The following UPRT variants were observed in gnomAD, a reference collection of about 807,000 sequenced individuals.
UPRT encodes RP11-311P8.3.
Under a neutral mutation model 22.6 loss-of-function variants are expected in UPRT, and 5 were observed. That is an observed-to-expected ratio of 0.22 (90% CI 0.12 to 0.47). The LOEUF (loss-of-function observed/expected upper bound fraction) is 0.47. UPRT is among the 20% of genes least tolerant of loss of function. The pLI, the probability that UPRT is intolerant of heterozygous loss-of-function variation, is 0.99. For synonymous variants in UPRT, 77 were observed against 87.7 expected (o/e 0.88, Z 0.68); for missense variants, 181 against 239.9 (o/e 0.75, Z 1.62).
chrX:75,160,141 C>A (rs1188883838), intron 1 of UPRT, among the ~76,000 whole-genome samples: 1 of 111,431 alleles, frequency 9.0e-6, no homozygotes, highest in Non-Finnish European at 1.9e-5. Flanking sequence ...GTCTCTTTAT[C>A]CTTGTGGATT....
intron 4 of UPRT, among the ~76,000 whole-genome samples, chrX:75,253,028 T>A (rs2082536939): frequency 9.1e-6 from 1 of 109,952 alleles, no homozygotes; most frequent in Non-Finnish European, 1.9e-5. Context: ...AACATTACAC[T>A]GTGGGGACTG....
intron 4 of UPRT, among the ~76,000 whole-genome samples, chrX:75,179,985 A>T (rs1407121878): frequency 1.8e-5 from 2 of 112,597 alleles, no homozygotes; most frequent in Non-Finnish European, 3.8e-5. Flanking sequence ...TGGTGGGCTG[A>T]AGGGCTCCTC....
chrX:75,161,140 T>C (rs1428360243), intron 2 of UPRT, among the ~76,000 whole-genome samples: 2 of 112,645 alleles, frequency 1.8e-5, no homozygotes, highest in African/African-American at 6.4e-5. Context: ...GCATTTATTC[T>C]GTTTTAAGCA....
At chrX:75,173,800 T>A (rs1415123661) in intron 4 of UPRT, among the ~76,000 whole-genome samples, 1 of 111,237 alleles carries the variant, frequency 9.0e-6, no homozygotes, top group African/African-American at 3.3e-5. Flanking sequence ...GGGCTGGCAC[T>A]CCTGGGGGAC....
At chrX:75,234,591 A>G (rs1167691093) in intron 4 of UPRT, among the ~76,000 whole-genome samples, 1 of 112,146 alleles carries the variant, frequency 8.9e-6, no homozygotes, top group Non-Finnish European at 1.9e-5. Flanking sequence ...ACTATCTCTC[A>G]GACCACATTG....
intron 4 of UPRT, among the ~76,000 whole-genome samples, chrX:75,246,473 A>G (rs2082506801): frequency 9.1e-6 from 1 of 110,244 alleles, no homozygotes; most frequent in Admixed American, 9.7e-5. Flanking sequence ...CATGGTGTAT[A>G]TGTGCCACAT....
chrX:75,274,043 T>TG (rs1443058874), upstream of UPRT: 3 of 423,119 alleles, frequency 7.1e-6, no homozygotes, highest in Non-Finnish European at 1.1e-5. Context: ...GCCAATAGGG[T>TG]GTCTAGGCAG....
chrX:75,250,456 T>A (rs183062570), intron 4 of UPRT, among the ~76,000 whole-genome samples: 1 of 111,235 alleles, frequency 9.0e-6, no homozygotes, highest in African/African-American at 3.3e-5. Flanking sequence ...AACTAGAAAA[T>A]CTAGAAGAAA....
chrX:75,265,002 T>A (rs2082582768), intron 4 of UPRT, among the ~76,000 whole-genome samples: 2 of 111,932 alleles, frequency 1.8e-5, no homozygotes, highest in South Asian at 7.4e-4. Flanking sequence ...ATGTTGAATA[T>A]CGGCCCCCAC....
chrX:75,299,139 T>A (rs773896656), intron 4 of UPRT, among the ~76,000 whole-genome samples: 8 of 112,596 alleles, frequency 7.1e-5, no homozygotes, highest in African/African-American at 2.6e-4. Context: ...CAAAAATAGC[T>A]CTGTGTTCAG....
At chrX:75,189,013 G>A (rs1055581822) in intron 4 of UPRT, among the ~76,000 whole-genome samples, 5 of 112,039 alleles carry the variant, frequency 4.5e-5, no homozygotes, top group African/African-American at 6.5e-5. Context: ...GACCTGTGCT[G>A]TTCCTATTCG....
intron 4 of UPRT, among the ~76,000 whole-genome samples, chrX:75,297,987 T>TC (rs1413310272): frequency 9.3e-6 from 1 of 107,080 alleles, no homozygotes; most frequent in Non-Finnish European, 1.9e-5. Flanking sequence ...TTTTTACTTT[T>TC]TTTTTTTTTT....
Position 75,188,490 on chromosome X carries a change from T to A in UPRT, c.-447+20611T>A, listed in dbSNP as rs186291576. 7.6e-3 allele frequency among the ~76,000 whole-genome samples: 860 copies of A among 112,787 alleles called. 5 individuals are homozygous for A. Among genetic ancestry groups the A allele is most frequent in the Admixed American group, 0.011 (119 of 10,771 alleles). The stretch of plus-strand genomic sequence containing the variant: ...GCTGTCTTTGTGTTTGTGTGTGCCC[T>A]GCCCCCAGAGGTGGAGCCTACAGAG... On this transcript the variant is annotated intron_variant, in intron 4 of 13. Transcript: ENST00000652605.
At chrX:75,279,810 T>C (rs1457798356) in intron 1 of UPRT, among the ~76,000 whole-genome samples, 1 of 110,231 alleles carries the variant, frequency 9.1e-6, no homozygotes, top group Non-Finnish European at 1.9e-5. Context: ...CACCCTTTCC[T>C]CCCAAGTTGC....
chrX:75,263,576 C>G (rs925670644), intron 4 of UPRT, among the ~76,000 whole-genome samples: 1 of 111,170 alleles, frequency 9.0e-6, no homozygotes, highest in East Asian at 2.8e-4. Flanking sequence ...TATCCTTTAT[C>G]ATTTTTTTGC....
intron 4 of UPRT, among the ~76,000 whole-genome samples, chrX:75,205,484 CTTG>C (rs932849105): frequency 1.9e-5 from 2 of 107,271 alleles, no homozygotes; most frequent in African/African-American, 3.4e-5. Context: ...TTCTGGAACT[CTTG>C]TTAAGCACAA....
At chrX:75,219,565 A>C (rs1338613102) in intron 4 of UPRT, among the ~76,000 whole-genome samples, 1 of 111,638 alleles carries the variant, frequency 9.0e-6, no homozygotes, top group Admixed American at 9.5e-5. Flanking sequence ...AAGACTAAAC[A>C]ATGATACCAC....
chrX:75,175,658 G>A (rs934618709), intron 4 of UPRT, among the ~76,000 whole-genome samples: 2 of 112,129 alleles, frequency 1.8e-5, no homozygotes, highest in Non-Finnish European at 3.8e-5. Context: ...CTCTGGGGCA[G>A]TGCACCTTCC....
At chrX:75,238,049 C>A (rs1302951751) in intron 4 of UPRT, among the ~76,000 whole-genome samples, 3 of 111,049 alleles carry the variant, frequency 2.7e-5, no homozygotes, top group African/African-American at 9.8e-5. Context: ...CTCACAGAAC[C>A]TATAAAACAA....
Sources: allele counts gnomAD v4.1 joint callset (sites outside exome capture counted in the v4.1 genomes callset), GRCh38; gene constraint gnomAD v4.1.1; transcripts MANE v1.5; gene names NCBI Gene and HGNC (gene_info 2026-07-23, HGNC 2026-07-21).